The following SHTN1 variants were observed in gnomAD, a reference collection of about 807,000 sequenced individuals.
SHTN1 encodes shootin-1.
A neutral mutation model predicts 83.1 loss-of-function variants in SHTN1; 42 were observed. The ratio of observed to expected loss-of-function variants is 0.51; its 90% CI spans 0.39 to 0.65. The LOEUF is 0.65. SHTN1 is among the 30% of genes least tolerant of loss of function. SHTN1 has a pLI of 0.00. For synonymous variants in SHTN1, 224 were observed against 247.7 expected, an observed-to-expected ratio of 0.90 and a Z score of 0.90; for missense variants, 622 against 737.8, an observed-to-expected ratio of 0.84 and a Z score of 1.82.
chr10:116,905,517 A>G (rs1345817289), intron 15 of SHTN1, among the ~76,000 whole-genome samples: 2 of 152,304 alleles, frequency 1.3e-5, no homozygotes, highest in South Asian at 2.1e-4. Flanking sequence ...GAAAATTTTC[A>G]TCTTCTTATA....
At chr10:116,972,819 A>G (rs949996423) in intron 2 of SHTN1, among the ~76,000 whole-genome samples, 2 of 152,234 alleles carry the variant, frequency 1.3e-5, no homozygotes, top group Admixed American at 1.3e-4. Flanking sequence ...AGCAAGCTGG[A>G]TAACATTACA....
intron 1 of SHTN1, among the ~76,000 whole-genome samples, chr10:117,103,614 T>C (rs967247210): frequency 7.8e-5 from 10 of 128,318 alleles, no homozygotes; most frequent in Non-Finnish European, 1.3e-4. Context: ...CTCAGCTCAC[T>C]GCAAGTTCTG....
chr10:117,099,044 A>ACACACACACACACC (rs1491497825), intron 1 of SHTN1, among the ~76,000 whole-genome samples: 2 of 149,490 alleles, frequency 1.3e-5, no homozygotes, highest in African/African-American at 5.1e-5. Context: ...ACACACACAC[A>ACACACACACACACC]CCATAAAAAG....
At chr10:116,887,536 G>A (rs547671060) in intron 16 of SHTN1, among the ~76,000 whole-genome samples, 35 of 152,282 alleles carry the variant, frequency 2.3e-4, no homozygotes, top group African/African-American at 8.2e-4. Context: ...GTGCCAGTGA[G>A]CTGCCAGCCA....
At chr10:117,092,957 C>T (rs6585426) in intron 1 of SHTN1, among the ~76,000 whole-genome samples, 103,455 of 151,988 alleles carry the variant, frequency 0.68, 37,670 homozygotes, top group Middle Eastern at 0.84. Context: ...AGCTGAAATT[C>T]TTCAACAATT....
intron 2 of SHTN1, among the ~76,000 whole-genome samples, chr10:117,038,965 A>G (rs1440117756): frequency 6.6e-6 from 1 of 152,202 alleles, no homozygotes; most frequent in Admixed American, 6.5e-5. Flanking sequence ...TACTCCTACC[A>G]TATGATCCAG....
chr10:117,085,549 T>C lies in SHTN1; in HGVS notation c.-188-37039A>G, dbSNP rs140900142. Among the ~76,000 whole-genome samples the C allele has an allele frequency of 3.7e-3, 571 of 152,370 alleles. 4 individuals carry two copies. Among genetic ancestry groups the C allele is most frequent in the African/African-American group, 0.013 (540 of 41,588 alleles). On this transcript the variant is annotated intron_variant, in intron 1 of 17. Coordinates refer to the SHTN1 transcript ENST00000392901. ...ACGTTTTATAGCTCAGAATGTGGTC[T>C]ACCTTGGTGAATGTTTCATGTGAGC...
chr10:116,919,389 T>C (rs1280557920), intron 12 of SHTN1, among the ~76,000 whole-genome samples: 1 of 152,236 alleles, frequency 6.6e-6, no homozygotes, highest in Non-Finnish European at 1.5e-5. Context: ...GAGCAACTTC[T>C]ATATTGGTAA....
intron 11 of SHTN1, among the ~76,000 whole-genome samples, chr10:116,927,365 G>C (rs370468089): frequency 6.6e-6 from 1 of 152,076 alleles, no homozygotes; most frequent in Non-Finnish European, 1.5e-5. Context: ...CCCGAGACTC[G>C]GTAATTATAA....
chr10:117,018,568 A>ATTT (rs36032476), intron 2 of SHTN1, among the ~76,000 whole-genome samples: 11 of 31,372 alleles, frequency 3.5e-4, no homozygotes, highest in East Asian at 6.9e-4. Context: ...TGCTCTCACC[A>ATTT]TTTTTTTTTT....
At chr10:117,022,335 A>G (rs1471754192) in intron 2 of SHTN1, among the ~76,000 whole-genome samples, 2 of 152,198 alleles carry the variant, frequency 1.3e-5, no homozygotes, top group East Asian at 3.9e-4. Context: ...CAATTACTAA[A>G]GCTACAGTGA....
chr10:116,896,942 G>A (rs1441484164), intron 16 of SHTN1, among the ~76,000 whole-genome samples: 1 of 152,016 alleles, frequency 6.6e-6, no homozygotes, highest in Non-Finnish European at 1.5e-5. Context: ...AAGTAGCTAG[G>A]ATTACAGGCA....
intron 8 of SHTN1, among the ~76,000 whole-genome samples, chr10:116,943,722 T>C (rs1849469707): frequency 6.6e-6 from 1 of 152,204 alleles, no homozygotes; most frequent in South Asian, 2.1e-4. Context: ...ATCATTGGAT[T>C]TTCAAATGTC....
intron 1 of SHTN1, among the ~76,000 whole-genome samples, chr10:117,100,979 C>G (rs755840564): frequency 6.6e-6 from 1 of 152,132 alleles, no homozygotes; most frequent in Non-Finnish European, 1.5e-5. Context: ...TATGCAGAAC[C>G]TTATACGCCT....
intron 2 of SHTN1, among the ~76,000 whole-genome samples, chr10:117,044,631 CA>C (rs1193151557): frequency 6.6e-6 from 1 of 151,920 alleles, no homozygotes; most frequent in Non-Finnish European, 1.5e-5. Context: ...AATAACAGGA[CA>C]AAAAGCATTT....
At chr10:116,967,121 C>T (rs537379675) in intron 3 of SHTN1, among the ~76,000 whole-genome samples, 103 of 152,294 alleles carry the variant, frequency 6.8e-4, no homozygotes, top group African/African-American at 2.2e-3. Flanking sequence ...ATCAAATACC[C>T]TGACTGACAG....
At chr10:117,115,589 G>C (rs1853834309) in intron 1 of SHTN1, among the ~76,000 whole-genome samples, 1 of 152,080 alleles carries the variant, frequency 6.6e-6, no homozygotes, top group Admixed American at 6.6e-5. Flanking sequence ...CTGGACTACT[G>C]CAAGTCTCCA....
At chr10:116,958,279 C>A (rs972538360) in intron 4 of SHTN1, among the ~76,000 whole-genome samples, 1 of 152,098 alleles carries the variant, frequency 6.6e-6, no homozygotes, top group Non-Finnish European at 1.5e-5. Context: ...CCACATTTTG[C>A]ATTCAAAGCA....
intron 15 of SHTN1, among the ~76,000 whole-genome samples, chr10:116,904,967 C>T (rs985622977): frequency 2.0e-5 from 3 of 150,856 alleles, no homozygotes; most frequent in Admixed American, 6.6e-5. Flanking sequence ...TTTGGGAGGC[C>T]GAGGCGGGTG....
Sources: gnomAD v4.1 joint callset for allele counts (sites outside exome capture counted in the v4.1 genomes callset) on GRCh38, gnomAD v4.1.1 for gene constraint, MANE v1.5 for transcripts, NCBI Gene and HGNC (gene_info 2026-07-23, HGNC 2026-07-21) for gene names.